Variants in LYZL1 observed in about 807,000 individuals in gnomAD.
The protein encoded by LYZL1 is lysozyme like 1.
Under a neutral mutation model 17.9 loss-of-function variants are expected in LYZL1, and 16 were observed. The observed-to-expected ratio is 0.90, with a 90% CI of 0.61 to 1.36. The LOEUF is 1.36. Among genes scored for constraint, LYZL1 ranks in the 40% most tolerant of loss-of-function variants. The pLI is 0.00. For missense variants in LYZL1, 149 were observed against 188.4 expected (o/e 0.79, Z 1.22); for synonymous variants, 58 against 71.8 (o/e 0.81, Z 0.97).
In LYZL1 at chr10:29,292,557, A is replaced by ACAGCC. The variant is rs756698544; in HGVS notation, c.182_186dup (p.Thr63ProfsTer28). ...ATATTATGAGAGCGGCTACAACACC[A>ACAGCC]CAGCCCAGACGGTCCTGGATGACGG... On this transcript the variant is annotated frameshift_variant, in exon 3 of 5. Coordinates refer to ENST00000649382, the MANE Select transcript of LYZL1 (RefSeq NM_032517.6). LOFTEE classifies it high-confidence loss of function. 20 of 1,614,102 alleles carry ACAGCC rather than the reference A, an allele frequency of 1.2e-5. No homozygotes were observed. The African/African-American group carries it at 2.5e-4, about 20-fold the overall frequency.
chr10:29,290,845 T>A (rs190529821), intron 1 of LYZL1, among the ~76,000 whole-genome samples: 111 of 151,810 alleles, frequency 7.3e-4, no homozygotes, highest in African/African-American at 1.3e-3. Flanking sequence ...TCTCAAAAAA[T>A]AAATAAATAA....
chr10:29,306,822 G>GTGTA (rs1261382310), intron 3 of LYZL1, among the ~76,000 whole-genome samples: 1 of 141,216 alleles, frequency 7.1e-6, no homozygotes, highest in Non-Finnish European at 1.5e-5. Context: ...GTGTGTGTGT[G>GTGTA]TGTGTGTGAA....
chr10:29,293,518 G>A (rs11007515), intron 3 of LYZL1, among the ~76,000 whole-genome samples: 14,341 of 152,160 alleles, frequency 0.094, 828 homozygotes, highest in African/African-American at 0.16. Flanking sequence ...ATACATATGA[G>A]CACAGCATTG....
chr10:29,292,633 G>T lies in LYZL1; in HGVS notation c.254G>T (p.Arg85Leu), dbSNP rs149901258. The change falls in exon 3 of 5, where the codon CGC (arginine) becomes CTC (leucine). Residue 85 changes from arginine (R) to leucine (L), a missense_variant. Arg to Leu is a moderately radical substitution (Grantham distance 102). This residue lies in a region of LYZL1 where 130 missense variants were observed against 132.5 expected (regional missense o/e 0.98). Transcript: ENST00000649382. ...ATCAACAGCTTCGCGTGGTGCAGAC[G>T]CGGAAAGCTGAAGGAGAACAACCAC... ...FQINSFAWCR[R>L]GKLKENNHCH... 1 of 1,614,238 alleles carries T rather than the reference G, an allele frequency of 6.2e-7. No individual in the cohort carries two copies. Among genetic ancestry groups the T allele is most frequent in the Non-Finnish European group, 8.5e-7 (1 of 1,180,040 alleles).
rs183980670 is a variant in LYZL1, at chr10:29,307,650, A to G, written c.299-2460A>G. 3.5e-4 allele frequency among the ~76,000 whole-genome samples: 53 copies of G among 152,362 alleles called. 1 individual carries two copies. Among genetic ancestry groups the G allele is most frequent in the African/African-American group, 1.3e-3 (53 of 41,590 alleles). On this transcript the variant is annotated intron_variant, in intron 3 of 4. Transcript: ENST00000649382. Reference sequence around the variant, plus strand: ...GGGAGCATTTCCCCCATGTTATAAAACATCCTGGGAAAACATAATTTAAAT... The same window carrying G: ...GGGAGCATTTCCCCCATGTTATAAAGCATCCTGGGAAAACATAATTTAAAT...
intron 4 of LYZL1, 151 bp downstream of exon 4, chr10:29,310,339 G>A (rs1441346062): frequency 1.6e-6 from 1 of 620,592 alleles, no homozygotes; most frequent in East Asian, 2.8e-5. Flanking sequence ...CCATCAGTGT[G>A]TGGGTGTGCA....
intron 3 of LYZL1, among the ~76,000 whole-genome samples, chr10:29,301,675 G>A (rs976235051): frequency 2.6e-5 from 4 of 151,560 alleles, no homozygotes; most frequent in African/African-American, 9.7e-5. Flanking sequence ...TATCTTACTT[G>A]GCATTCATTA....
chr10:29,289,763 AACACAGTGCTGT>A (rs1210796428), intron 1 of LYZL1, among the ~76,000 whole-genome samples: 1 of 152,184 alleles, frequency 6.6e-6, no homozygotes, highest in Non-Finnish European at 1.5e-5. Context: ...CTCACAGCTT[AACACAGTGCTGT>A]ACACAGCGGA....
At chr10:29,311,970 G>T (rs559161385), downstream of LYZL1, among the ~76,000 whole-genome samples, 1 of 151,916 alleles carries the variant, frequency 6.6e-6, no homozygotes, top group South Asian at 2.1e-4. Flanking sequence ...AAAGGGAAGG[G>T]GAAGGGGGAG....
At chr10:29,303,824 A>G (rs574065031) in intron 3 of LYZL1, among the ~76,000 whole-genome samples, 1 of 152,208 alleles carries the variant, frequency 6.6e-6, no homozygotes, top group Non-Finnish European at 1.5e-5. Flanking sequence ...AAGTAGGGAC[A>G]TTTGTCATGG....
intron 3 of LYZL1, among the ~76,000 whole-genome samples, chr10:29,293,127 CTT>C (rs778807136): frequency 0.021 from 2,204 of 104,156 alleles, 88 homozygotes; most frequent in African/African-American, 0.072. Context: ...CTTTTCTTTT[CTT>C]TTTTCTTTTT....
chr10:29,303,141 C>T (rs1243244879), intron 3 of LYZL1, among the ~76,000 whole-genome samples: 2 of 152,212 alleles, frequency 1.3e-5, no homozygotes, highest in South Asian at 2.1e-4. Flanking sequence ...TGTGCATACC[C>T]AGTTTAGCCT....
At chr10:29,306,359 G>C (rs1835589633) in intron 3 of LYZL1, among the ~76,000 whole-genome samples, 1 of 138,280 alleles carries the variant, frequency 7.2e-6, no homozygotes, top group South Asian at 2.3e-4. Flanking sequence ...GACCATCCCG[G>C]CTAAAACGGT....
chr10:29,307,485 A>G, intron 3 of LYZL1, among the ~76,000 whole-genome samples: 1 of 152,296 alleles, frequency 6.6e-6, no homozygotes, highest in East Asian at 1.9e-4. Flanking sequence ...CTCTATATAA[A>G]CATATTTTTA....
intron 3 of LYZL1, among the ~76,000 whole-genome samples, chr10:29,309,537 C>A (rs563109214): frequency 4.6e-5 from 7 of 152,166 alleles, no homozygotes; most frequent in African/African-American, 1.7e-4. Flanking sequence ...CACTCTGTTG[C>A]CCAGGCTGGA....
rs542336548 is a variant in LYZL1, at chr10:29,291,446, A to G, written c.-25-397A>G. ...CAGAAGAAAATTCACGGATAAATGG[A>G]CCCACGCAGTTCAAACCCATGTTGT... On this transcript the variant is annotated intron_variant, in intron 1 of 4. Coordinates refer to ENST00000649382, the MANE Select transcript of LYZL1 (RefSeq NM_032517.6). Among the ~76,000 whole-genome samples, 472 of 151,044 alleles carry G rather than the reference A, an allele frequency of 3.1e-3. 7 individuals carry two copies. Among genetic ancestry groups the G allele is most frequent in the Non-Finnish European group, 2.0e-3 (134 of 67,730 alleles).
chr10:29,295,712 C>T (rs755666493), intron 3 of LYZL1, among the ~76,000 whole-genome samples: 3 of 152,192 alleles, frequency 2.0e-5, no homozygotes, highest in African/African-American at 7.2e-5. Context: ...AGCAGAGAAT[C>T]TTGCCCAGCT....
chr10:29,313,368 C>T (rs1835694960), downstream of LYZL1, among the ~76,000 whole-genome samples: 1 of 152,202 alleles, frequency 6.6e-6, no homozygotes, highest in African/African-American at 2.4e-5. Flanking sequence ...TGCCTTGCAG[C>T]CCCATTCTTA....
chr10:29,313,613 A>T (rs11599572), downstream of LYZL1, among the ~76,000 whole-genome samples: 47,088 of 152,118 alleles, frequency 0.31, 8,668 homozygotes, highest in East Asian at 0.58. Flanking sequence ...CCCTTCCCCC[A>T]TGTTTGATTT....
Sources: gnomAD v4.1 joint callset for allele counts (sites outside exome capture counted in the v4.1 genomes callset) on GRCh38, gnomAD v4.1.1 for gene constraint, gnomAD v4.1.1 regional missense constraint, MANE v1.5 for transcripts, NCBI Gene and HGNC (gene_info 2026-07-23, HGNC 2026-07-21) for gene names.